Variants in APLP2 observed in about 807,000 individuals in gnomAD.
The protein encoded by APLP2 is CDEI box-binding protein.
APLP2 carries 53 observed loss-of-function variants against 89.9 expected under a neutral mutation model. The ratio of observed to expected loss-of-function variants is 0.59; its 90% CI spans 0.47 to 0.74. APLP2 has a LOEUF of 0.74. APLP2 is among the 30% of genes least tolerant of loss of function. The pLI is 0.00. For synonymous variants in APLP2, 372 were observed against 348.6 expected (o/e 1.07, Z -0.75); for missense variants, 973 against 975.9 (o/e 1.00, Z 0.04).
At chr11:130,125,525 A>G (rs1418042484) in intron 7 of APLP2, among the ~76,000 whole-genome samples, 1 of 152,206 alleles carries the variant, frequency 6.6e-6, no homozygotes, top group Non-Finnish European at 1.5e-5. Context: ...TAGGGCTCAT[A>G]TTCTTCATGA....
At chr11:130,074,561 T>C (rs1182249785) in intron 1 of APLP2, among the ~76,000 whole-genome samples, 1 of 152,230 alleles carries the variant, frequency 6.6e-6, no homozygotes, top group Non-Finnish European at 1.5e-5. Flanking sequence ...ATTTTGAGGC[T>C]TTTGGATTTT....
At chr11:130,081,775 A>G (rs918036820) in intron 1 of APLP2, among the ~76,000 whole-genome samples, 12 of 152,298 alleles carry the variant, frequency 7.9e-5, no homozygotes, top group East Asian at 1.9e-4. Context: ...CTATTTTGTA[A>G]TTTATTTGAT....
At chr11:130,104,206 CTTTTTTTTTTT>C (rs59598831) in intron 1 of APLP2, among the ~76,000 whole-genome samples, 5 of 76,988 alleles carry the variant, frequency 6.5e-5, no homozygotes, top group African/African-American at 1.9e-4. Context: ...TGGTACACAT[CTTTTTTTTTTT>C]TTTTTTTTTT....
chr11:130,084,843 GA>G (rs924558857), intron 1 of APLP2, among the ~76,000 whole-genome samples: 11 of 151,576 alleles, frequency 7.3e-5, no homozygotes, highest in Non-Finnish European at 1.2e-4. Context: ...AAACAGAATA[GA>G]AAAAAACAAT....
chr11:130,104,206 CTTTTTTTTT>C (rs59598831), intron 1 of APLP2, among the ~76,000 whole-genome samples: 8 of 77,010 alleles, frequency 1.0e-4, no homozygotes, highest in South Asian at 5.2e-4. Context: ...TGGTACACAT[CTTTTTTTTT>C]TTTTTTTTTT....
intron 1 of APLP2, among the ~76,000 whole-genome samples, chr11:130,083,351 T>G (rs575549079): frequency 7.3e-5 from 11 of 150,834 alleles, no homozygotes; most frequent in African/African-American, 2.5e-4. Flanking sequence ...CATTTTTTTT[T>G]TGTGGTAAGA....
intron 1 of APLP2, among the ~76,000 whole-genome samples, chr11:130,096,844 G>T (rs1017964714): frequency 1.3e-5 from 2 of 151,852 alleles, no homozygotes; most frequent in African/African-American, 2.4e-5. Context: ...TGTCGTTTAT[G>T]CATTTATTAG....
At chr11:130,079,626 A>G (rs1370396541) in intron 1 of APLP2, among the ~76,000 whole-genome samples, 1 of 152,242 alleles carries the variant, frequency 6.6e-6, no homozygotes, top group Non-Finnish European at 1.5e-5. Context: ...CTTGCTAAAC[A>G]TGTATACTAA....
chr11:130,144,158 C>G lies in APLP2; in HGVS notation c.*710C>G, dbSNP rs1952719193. The G allele has an allele frequency of 6.6e-6, 1 of 152,232 alleles. No homozygotes were observed. The highest frequency in any genetic ancestry group is 6.5e-5 in the Admixed American group (1 of 15,282). 9.4% of individuals were successfully genotyped at this position (152,232 alleles called of 1,614,324 possible). A position where few individuals can be genotyped will look rare whatever the true frequency, so the allele number is the denominator to read the frequency against. On this transcript the variant is annotated 3_prime_UTR_variant, in exon 17 of 17. Transcript: ENST00000338167. Reference sequence around the variant, plus strand: ...GATGAGGGTGTCCGCTGCTGCTTTCCTTCGGAATCCAGTGCTTCCACAGAG... The same window carrying G: ...GATGAGGGTGTCCGCTGCTGCTTTCGTTCGGAATCCAGTGCTTCCACAGAG...
chr11:130,141,425 GGAA>G lies in APLP2; in HGVS notation c.1924-71_1924-69del, dbSNP rs1447326735. The G allele has an allele frequency of 8.0e-7, 1 of 1,243,288 alleles. No individual in the cohort carries two copies. The highest frequency in any genetic ancestry group is 1.5e-5 in the African/African-American group (1 of 67,764). 77.0% of individuals were successfully genotyped at this position (1,243,288 alleles called of 1,614,324 possible). ...CTTCCATCAAGCAGCAGGTAGCAGA[GGAA>G]GGAGGCAGTAAATACCAAACTCCCC... On this transcript the variant is annotated intron_variant, in intron 14 of 16. Transcript: ENST00000338167. This position sits in a 1 kb window ranked among gnomAD's most constrained non-coding sequence, Gnocchi z 4.2.
intron 8 of APLP2, among the ~76,000 whole-genome samples, chr11:130,127,220 C>G (rs1218111594): frequency 6.6e-6 from 1 of 152,144 alleles, no homozygotes; most frequent in Admixed American, 6.5e-5. Context: ...CAAACATGTA[C>G]TAATACATGC....
At chr11:130,104,927 T>C (rs1947452450) in intron 1 of APLP2, among the ~76,000 whole-genome samples, 1 of 152,198 alleles carries the variant, frequency 6.6e-6, no homozygotes, top group Admixed American at 6.5e-5. Flanking sequence ...TCTCTTATAC[T>C]AGTAGAAAGC....
chr11:130,125,722 G>T (rs954498153), intron 7 of APLP2, among the ~76,000 whole-genome samples: 13 of 152,184 alleles, frequency 8.5e-5, no homozygotes, highest in Non-Finnish European at 1.6e-4. Context: ...TTGAACCTTG[G>T]CATTCACTCT....
chr11:130,142,934 G>T (rs1255617131), intron 16 of APLP2, among the ~76,000 whole-genome samples: 1 of 152,170 alleles, frequency 6.6e-6, no homozygotes, highest in Non-Finnish European at 1.5e-5. Context: ...TTTATCTCCT[G>T]CTGGAGACTG....
At chr11:130,134,218 T>C (rs12576153) in intron 12 of APLP2, among the ~76,000 whole-genome samples, 23,382 of 152,140 alleles carry the variant, frequency 0.15, 3,820 homozygotes, top group African/African-American at 0.41. Context: ...GAAAAACAGA[T>C]AGTAAAACAA....
chr11:130,121,925 C>G (rs1217015882), intron 5 of APLP2, 115 bp downstream of exon 5: 1 of 1,452,616 alleles, frequency 6.9e-7, no homozygotes, highest in African/African-American at 1.4e-5. Flanking sequence ...TTCCTTTGTT[C>G]TGCTAGAGTT....
At chr11:130,128,282 A>G (rs1950587653) in intron 9 of APLP2, among the ~76,000 whole-genome samples, 1 of 152,222 alleles carries the variant, frequency 6.6e-6, no homozygotes, top group South Asian at 2.1e-4. Flanking sequence ...CCCCTTCAGT[A>G]GAAGAGTGTT....
intron 1 of APLP2, 113 bp downstream of exon 1, chr11:130,070,195 G>T (rs979333537): frequency 4.1e-6 from 2 of 485,976 alleles, no homozygotes; most frequent in Non-Finnish European, 5.9e-6. Context: ...GGCGCCGGGG[G>T]TCCGGCTCTG....
chr11:130,129,125 C>T lies in APLP2; in HGVS notation c.1374C>T (p.Ala458=). 1.2e-6 allele frequency: 2 copies of T among 1,614,172 alleles called. No homozygotes were observed. Among genetic ancestry groups the T allele is most frequent in the Non-Finnish European group, 1.7e-6 (2 of 1,180,034 alleles). ...AGCAGCTGGTGGAGACCCACCTGGC[C>T]CGAGTGGAAGCTATGCTGAATGACC... ...EKQQLVETHL[A]RVEAMLNDRR... is the part of the protein sequence containing the mutation. The change falls in exon 10 of 17, where the codon GCC becomes GCT. Residue 458 remains alanine (A), a synonymous_variant. Transcript: ENST00000338167.
Sources: allele counts gnomAD v4.1 joint callset (sites outside exome capture counted in the v4.1 genomes callset), GRCh38; gene constraint gnomAD v4.1.1; non-coding constraint Gnocchi (gnomAD v3.1); transcripts MANE v1.5; gene names NCBI Gene and HGNC (gene_info 2026-07-23, HGNC 2026-07-21).